Variants in RFX7 observed in about 807,000 individuals in gnomAD.
RFX7 encodes DNA-binding protein RFX7.
RFX7 carries 26 observed loss-of-function variants against 111.8 expected under a neutral mutation model. The observed-to-expected ratio is 0.23, with a 90% CI of 0.17 to 0.32. The LOEUF is 0.32. RFX7 is among the 10% of genes least tolerant of loss of function. RFX7 has a pLI of 1.00. For missense variants in RFX7, 1,573 were observed against 1,772.9 expected (o/e 0.89, Z 2.02); for synonymous variants, 624 against 624.4 (o/e 1.00, Z 0.01).
At chr15:56,113,396 G>T (rs2041964280) in intron 5 of RFX7, among the ~76,000 whole-genome samples, 1 of 152,160 alleles carries the variant, frequency 6.6e-6, no homozygotes, top group Non-Finnish European at 1.5e-5. Flanking sequence ...AACTAATGCA[G>T]GAACAGAAAA....
At chr15:56,161,082 C>G (rs547563910) in intron 3 of RFX7, among the ~76,000 whole-genome samples, 23 of 152,056 alleles carry the variant, frequency 1.5e-4, no homozygotes, top group Non-Finnish European at 3.1e-4. Context: ...ATATTCTGCT[C>G]AAAGATAAGG....
At chr15:56,196,594 C>T (rs1021324699) in intron 2 of RFX7, among the ~76,000 whole-genome samples, 7 of 152,022 alleles carry the variant, frequency 4.6e-5, no homozygotes, top group Non-Finnish European at 7.4e-5. Flanking sequence ...CCCTAACCCC[C>T]AAGTGCTGTA....
At chr15:56,110,221 T>C in intron 5 of RFX7, among the ~76,000 whole-genome samples, 1 of 85,990 alleles carries the variant, frequency 1.2e-5, no homozygotes, top group Non-Finnish European at 2.3e-5. Flanking sequence ...TACTGGGAAG[T>C]GAGGAGCCCC....
At chr15:56,140,534 T>C (rs1420026707) in intron 5 of RFX7, among the ~76,000 whole-genome samples, 1 of 152,224 alleles carries the variant, frequency 6.6e-6, no homozygotes, top group Non-Finnish European at 1.5e-5. Flanking sequence ...CCTAGTGAGA[T>C]GAACCCAGTA....
chr15:56,167,699 C>T (rs2042799316), intron 3 of RFX7, among the ~76,000 whole-genome samples: 2 of 152,142 alleles, frequency 1.3e-5, no homozygotes, highest in South Asian at 2.1e-4. Context: ...TTTCATTTGT[C>T]TTTACCAATA....
intron 5 of RFX7, among the ~76,000 whole-genome samples, chr15:56,132,224 C>G (rs138839116): frequency 0.014 from 2,113 of 151,946 alleles, 22 homozygotes; most frequent in Middle Eastern, 0.034. Flanking sequence ...AAAACTGATT[C>G]GCAACTTCCT....
intron 2 of RFX7, among the ~76,000 whole-genome samples, chr15:56,227,952 T>G (rs1411315767): frequency 6.6e-6 from 1 of 152,188 alleles, no homozygotes; most frequent in Non-Finnish European, 1.5e-5. Context: ...CTCTTTCACT[T>G]TTGAAGAATA....
intron 2 of RFX7, among the ~76,000 whole-genome samples, chr15:56,238,145 C>G (rs750928736): frequency 6.6e-6 from 1 of 152,122 alleles, no homozygotes; most frequent in Non-Finnish European, 1.5e-5. Flanking sequence ...CTACCTGATT[C>G]AAAAACCAAG....
At chr15:56,155,694 T>G (rs1405555396) in intron 3 of RFX7, among the ~76,000 whole-genome samples, 1 of 152,036 alleles carries the variant, frequency 6.6e-6, no homozygotes, top group Admixed American at 6.6e-5. Flanking sequence ...AGCAAAGCAC[T>G]AGGGCACATG....
chr15:56,106,501 T>C (rs2041831595), intron 5 of RFX7, among the ~76,000 whole-genome samples: 1 of 152,222 alleles, frequency 6.6e-6, no homozygotes, highest in African/African-American at 2.4e-5. Context: ...TCAATTTCTT[T>C]AATTTTGTGA....
In RFX7 at chr15:56,088,669, A is replaced by G. The variant is rs1407022115; in HGVS notation, c.*4676T>C. On this transcript the variant is annotated 3_prime_UTR_variant, in exon 10 of 10. Coordinates refer to ENST00000559447, the MANE Select transcript of RFX7 (RefSeq NM_022841.7). ...ATTATTTAAAAATTCATTTATAACA[A>G]TGCATGTCAAAATAAATCTGTACTT... The G allele has an allele frequency of 1.3e-5, 2 of 152,174 alleles. No homozygotes were observed. Among genetic ancestry groups the G allele is most frequent in the Non-Finnish European group, 1.5e-5 (1 of 68,020 alleles). The allele number at this position is 152,174 out of a possible 1,614,324, so 9.4% of individuals were successfully genotyped here.
intron 5 of RFX7, among the ~76,000 whole-genome samples, chr15:56,112,725 T>C (rs1229304000): frequency 6.6e-6 from 1 of 151,996 alleles, no homozygotes; most frequent in Non-Finnish European, 1.5e-5. Flanking sequence ...AACCAACCTA[T>C]AGAATGAGAG....
At chr15:56,143,790 A>T (rs1298715256) in intron 4 of RFX7, among the ~76,000 whole-genome samples, 2 of 152,204 alleles carry the variant, frequency 1.3e-5, no homozygotes, top group Non-Finnish European at 2.9e-5. Flanking sequence ...ACAGTTTTAA[A>T]AAATAGAATG....
chr15:56,132,673 A>G (rs2042234645), intron 5 of RFX7, among the ~76,000 whole-genome samples: 1 of 152,132 alleles, frequency 6.6e-6, no homozygotes, highest in Non-Finnish European at 1.5e-5. Flanking sequence ...GCTGTGACAA[A>G]AGTGTACAGA....
intron 5 of RFX7, among the ~76,000 whole-genome samples, chr15:56,138,299 T>C (rs1163148747): frequency 8.0e-5 from 12 of 149,194 alleles, no homozygotes; most frequent in East Asian, 2.0e-4. Flanking sequence ...CTGGGTGCTC[T>C]TGTATTGGGT....
At chr15:56,244,684 T>G (rs1393084661), upstream of RFX7, among the ~76,000 whole-genome samples, 1 of 147,626 alleles carries the variant, frequency 6.8e-6, no homozygotes, top group East Asian at 2.1e-4. Context: ...TCAGGGTCCC[T>G]GCAGCCAAGG....
chr15:56,198,775 T>C (rs953115972), intron 2 of RFX7, among the ~76,000 whole-genome samples: 4 of 152,184 alleles, frequency 2.6e-5, no homozygotes, highest in Admixed American at 6.5e-5. Flanking sequence ...AGATTAGCTA[T>C]GAAACTAATT....
chr15:56,140,882 T>C (rs756347339), intron 5 of RFX7, among the ~76,000 whole-genome samples: 2 of 152,222 alleles, frequency 1.3e-5, no homozygotes, highest in Admixed American at 6.5e-5. Context: ...TTTAGGAATA[T>C]AAGGACTGCT....
At chr15:56,109,144 T>A (rs1462773935) in intron 5 of RFX7, among the ~76,000 whole-genome samples, 2 of 152,192 alleles carry the variant, frequency 1.3e-5, no homozygotes, top group Non-Finnish European at 2.9e-5. Flanking sequence ...GCAACCTCCC[T>A]GCCTGATTCT....
Sources: allele counts gnomAD v4.1 joint callset (sites outside exome capture counted in the v4.1 genomes callset), GRCh38; gene constraint gnomAD v4.1.1; transcripts MANE v1.5; gene names NCBI Gene and HGNC (gene_info 2026-07-23, HGNC 2026-07-21).